CACNA2D3: variants seen among roughly 807,000 people sequenced by gnomAD.
CACNA2D3 encodes voltage-dependent calcium channel subunit alpha-2/delta-3.
In CACNA2D3, 60 loss-of-function variants were observed where a neutral mutation model predicts 160.6. The observed-to-expected ratio is 0.37, with a 90% CI of 0.30 to 0.46. The LOEUF (loss-of-function observed/expected upper bound fraction) is 0.46, where lower values mean the gene tolerates loss of function less well. Among genes scored for constraint, CACNA2D3 ranks in the 20% least tolerant of loss-of-function variants. The probability of loss-of-function intolerance (pLI) is 1.00; values close to 1 mark genes in which losing one functional copy is unlikely to be tolerated. For synonymous variants in CACNA2D3, 558 were observed against 492.9 expected (o/e 1.13, Z -1.75); for missense variants, 1,205 against 1,365.0 (o/e 0.88, Z 1.85).
At chr3:54,730,492 C>A (rs1701364652) in intron 11 of CACNA2D3, among the ~76,000 whole-genome samples, 1 of 106,580 alleles carries the variant, frequency 9.4e-6, no homozygotes, top group Admixed American at 8.4e-5. Context: ...GAAACAGAAT[C>A]TTTCTTTCTT....
chr3:54,151,145 G>T (rs1700143674), intron 2 of CACNA2D3, among the ~76,000 whole-genome samples: 1 of 151,584 alleles, frequency 6.6e-6, no homozygotes, highest in Non-Finnish European at 1.5e-5. Context: ...ACAGATAGAT[G>T]AATGAATAGA....
At chr3:54,959,418 G>A (rs1406353190) in intron 27 of CACNA2D3, among the ~76,000 whole-genome samples, 1 of 152,176 alleles carries the variant, frequency 6.6e-6, no homozygotes. Flanking sequence ...CATCCCTCCA[G>A]CTCTGTGGAC....
chr3:54,638,040 TCA>T, intron 10 of CACNA2D3: 1 of 152,016 alleles, frequency 6.6e-6, no homozygotes. Context: ...GGGGTTTGTC[TCA>T]CAGTGGAGGC....
At chr3:54,294,560 T>C (rs1345215884) in intron 2 of CACNA2D3, among the ~76,000 whole-genome samples, 1 of 152,162 alleles carries the variant, frequency 6.6e-6, no homozygotes, top group Non-Finnish European at 1.5e-5. Context: ...ATGAAGCTGG[T>C]GGTGTGGGGA....
At chr3:54,275,623 TTTC>T (rs1702722704) in intron 2 of CACNA2D3, among the ~76,000 whole-genome samples, 1 of 150,774 alleles carries the variant, frequency 6.6e-6, no homozygotes, top group Middle Eastern at 3.2e-3. Flanking sequence ...AAGTATCTGA[TTTC>T]TTTTTTTTTG....
intron 8 of CACNA2D3, 70 bp downstream of exon 8, chr3:54,570,174 T>A: frequency 6.8e-7 from 1 of 1,464,750 alleles, no homozygotes; most frequent in Non-Finnish European, 9.5e-7. Context: ...CTGGTTAACA[T>A]TGCTCTCGCT....
chr3:54,987,874 T>C, intron 31 of CACNA2D3, 121 bp downstream of exon 31: 1 of 635,142 alleles, frequency 1.6e-6, no homozygotes, highest in Non-Finnish European at 2.7e-6. Context: ...CTTGTGTTCA[T>C]GCTCCAAAAG....
chr3:54,405,239 T>TA (rs1699553186), intron 4 of CACNA2D3, among the ~76,000 whole-genome samples: 1 of 136,424 alleles, frequency 7.3e-6, no homozygotes, highest in Non-Finnish European at 1.6e-5. Flanking sequence ...GGAACCACAT[T>TA]AAACCCTGAA....
chr3:54,911,760 G>T (rs2106910340), intron 27 of CACNA2D3, among the ~76,000 whole-genome samples: 1 of 152,220 alleles, frequency 6.6e-6, no homozygotes, highest in Non-Finnish European at 1.5e-5. Context: ...TCATGTTAAA[G>T]ATAAGTAATA....
At chr3:54,362,293 G>A (rs917550139) in intron 3 of CACNA2D3, among the ~76,000 whole-genome samples, 4 of 152,166 alleles carry the variant, frequency 2.6e-5, no homozygotes, top group Non-Finnish European at 5.9e-5. Flanking sequence ...GATTCATTCT[G>A]TTGAGGTCAT....
At chr3:54,255,742 T>G (rs1702279811) in intron 2 of CACNA2D3, among the ~76,000 whole-genome samples, 1 of 152,188 alleles carries the variant, frequency 6.6e-6, no homozygotes, top group South Asian at 2.1e-4. Flanking sequence ...CTGCAGGCCT[T>G]TGCTTATGTT....
chr3:54,473,304 T>C, intron 4 of CACNA2D3, among the ~76,000 whole-genome samples: 1 of 152,172 alleles, frequency 6.6e-6, no homozygotes, highest in Admixed American at 6.5e-5. Flanking sequence ...ATTTAATAAA[T>C]GGTGTTGGGA....
At chr3:54,280,691 C>G (rs1461522003) in intron 2 of CACNA2D3, among the ~76,000 whole-genome samples, 2 of 152,182 alleles carry the variant, frequency 1.3e-5, no homozygotes, top group African/African-American at 4.8e-5. Context: ...AACAACCCTT[C>G]CCGACTCTGT....
intron 9 of CACNA2D3, among the ~76,000 whole-genome samples, chr3:54,622,398 C>T (rs1309140593): frequency 6.6e-6 from 1 of 152,168 alleles, no homozygotes; most frequent in Non-Finnish European, 1.5e-5. Flanking sequence ...GCCTCAGCCT[C>T]CCGAGTAGCT....
intron 14 of CACNA2D3, among the ~76,000 whole-genome samples, chr3:54,827,286 G>C (rs982907369): frequency 6.6e-6 from 1 of 152,216 alleles, no homozygotes; most frequent in African/African-American, 2.4e-5. Flanking sequence ...TCAATTTAAG[G>C]CTACGTAGAT....
intron 8 of CACNA2D3, among the ~76,000 whole-genome samples, chr3:54,577,321 T>A (rs1475453817): frequency 6.6e-6 from 1 of 152,164 alleles, no homozygotes; most frequent in Admixed American, 6.5e-5. Flanking sequence ...GCTCCCTATC[T>A]GCCAAAGACC....
At position 54,326,166 on chromosome 3, in the gene CACNA2D3, A is replaced by C. The variant is rs140815732; in HGVS notation, c.321+5608A>C. On this transcript the variant is annotated intron_variant, in intron 3 of 37. Transcript: ENST00000474759. ...CCTGGGACTTGAAAGCTTTTTATCG[A>C]GAAATTCCACATGCAGCAAGACATT... 8.5e-5 allele frequency among the ~76,000 whole-genome samples: 13 copies of C among 152,330 alleles called. No individual in the cohort carries two copies. In the East Asian group the frequency reaches 2.5e-3, roughly 29 times the overall value.
At chr3:54,289,289 A>G (rs1337343297) in intron 2 of CACNA2D3, among the ~76,000 whole-genome samples, 230 of 152,140 alleles carry the variant, frequency 1.5e-3, no homozygotes, top group African/African-American at 5.1e-3. Flanking sequence ...CCAAATCATG[A>G]GTGAACTCCC....
chr3:54,147,251 A>G (rs929742023), intron 2 of CACNA2D3, among the ~76,000 whole-genome samples: 3 of 152,226 alleles, frequency 2.0e-5, no homozygotes, highest in African/African-American at 7.2e-5. Flanking sequence ...GACCAGTCAC[A>G]TCTGAGTAGT....
Sources: gnomAD v4.1 joint callset for allele counts (sites outside exome capture counted in the v4.1 genomes callset) on GRCh38, gnomAD v4.1.1 for gene constraint, MANE v1.5 for transcripts, NCBI Gene and HGNC (gene_info 2026-07-23, HGNC 2026-07-21) for gene names.